The following CPT1A variants were observed in gnomAD, a reference collection of about 807,000 sequenced individuals.
CPT1A encodes carnitine O-palmitoyltransferase 1, liver isoform.
In CPT1A, 64 loss-of-function variants were observed where a neutral mutation model predicts 100.8. That is an observed-to-expected ratio of 0.63 (90% CI 0.52 to 0.78). The LOEUF (loss-of-function observed/expected upper bound fraction) is 0.78, where lower values mean the gene tolerates loss of function less well. Among genes scored for constraint, CPT1A ranks in the 30% least tolerant of loss-of-function variants. CPT1A has a pLI of 0.00. For missense variants in CPT1A, 802 were observed against 1,034.1 expected, an observed-to-expected ratio of 0.78 and a Z score of 3.08; for synonymous variants, 363 against 396.0, an observed-to-expected ratio of 0.92 and a Z score of 0.99.
At chr11:68,781,676 G>T in intron 11 of CPT1A, 95 bp downstream of exon 11, 1 of 1,061,500 alleles carries the variant, frequency 9.4e-7, no homozygotes, top group Non-Finnish European at 1.5e-6. Flanking sequence ...TTCTTTCTTA[G>T]CATTATAGAT....
intron 13 of CPT1A, chr11:68,773,666 G>C: frequency 3.7e-6 from 2 of 542,600 alleles, no homozygotes; most frequent in Non-Finnish European, 6.4e-6. Context: ...CCAGGAGAGG[G>C]CTTCCTCCGA....
At chr11:68,837,582 G>T (rs575011250) in intron 1 of CPT1A, among the ~76,000 whole-genome samples, 1 of 152,284 alleles carries the variant, frequency 6.6e-6, no homozygotes, top group South Asian at 2.1e-4. Context: ...GGACCCAAAT[G>T]CTCCTCTGCT....
At chr11:68,798,505 C>T (rs1053271526) in intron 6 of CPT1A, among the ~76,000 whole-genome samples, 3 of 152,136 alleles carry the variant, frequency 2.0e-5, no homozygotes, top group East Asian at 1.9e-4. Context: ...CTTTGTCTGC[C>T]GGAGGCCTGC....
At chr11:68,794,312 G>A (rs1467074539) in intron 8 of CPT1A, among the ~76,000 whole-genome samples, 1 of 152,184 alleles carries the variant, frequency 6.6e-6, no homozygotes, top group Non-Finnish European at 1.5e-5. Context: ...AGGGGTTTTC[G>A]GGTTGACTGA....
chr11:68,804,160 C>A, intron 4 of CPT1A, 59 bp from the exon 5 acceptor site: 1 of 1,276,002 alleles, frequency 7.8e-7, no homozygotes, highest in South Asian at 1.2e-5. Flanking sequence ...GGCACCTGTT[C>A]TCGTCTGATC....
chr11:68,786,657 T>A (rs1369710461), intron 9 of CPT1A, among the ~76,000 whole-genome samples: 1 of 152,212 alleles, frequency 6.6e-6, no homozygotes, highest in South Asian at 2.1e-4. Context: ...GCTTCCTAAG[T>A]AGGTGGCATT....
At chr11:68,810,443 T>C (rs1036981488) in intron 3 of CPT1A, among the ~76,000 whole-genome samples, 3 of 152,114 alleles carry the variant, frequency 2.0e-5, no homozygotes, top group African/African-American at 7.2e-5. Flanking sequence ...GACTGGGAAC[T>C]TTTATTATGT....
At chr11:68,831,217 G>A (rs1406402329) in intron 1 of CPT1A, among the ~76,000 whole-genome samples, 1 of 152,180 alleles carries the variant, frequency 6.6e-6, no homozygotes, top group Middle Eastern at 3.4e-3. Context: ...CACTGGCCAT[G>A]TAATCAAGAA....
At chr11:68,758,848 C>T (rs1946745548) in intron 18 of CPT1A, among the ~76,000 whole-genome samples, 1 of 151,846 alleles carries the variant, frequency 6.6e-6, no homozygotes, top group Non-Finnish European at 1.5e-5. Context: ...AAACTCCTCA[C>T]CTCAAGTGAT....
chr11:68,843,313 G>C (rs1479254123), upstream of CPT1A, among the ~76,000 whole-genome samples: 2 of 152,098 alleles, frequency 1.3e-5, no homozygotes, highest in African/African-American at 4.8e-5. The surrounding 1 kb of genome is among the most constrained non-coding windows in gnomAD (Gnocchi z 4.0). Context: ...CTTTGACTAT[G>C]CTGTGATCCA....
chr11:68,803,204 G>A (rs1361344765), intron 5 of CPT1A, among the ~76,000 whole-genome samples: 1 of 152,230 alleles, frequency 6.6e-6, no homozygotes, highest in Non-Finnish European at 1.5e-5. Flanking sequence ...TTCTGACACA[G>A]GCTGCTATGT....
Position 68,827,258 on chromosome 11 carries a change from G to A in CPT1A, c.-13-11771C>T, listed in dbSNP as rs1011202625. 9.9e-5 allele frequency among the ~76,000 whole-genome samples: 15 copies of A among 152,004 alleles called. No individual in the cohort carries two copies. In the East Asian group the frequency reaches 1.7e-3, roughly 18 times the overall value. ...TGAAGGGCGAGGCTCACACAAGCCC[G>A]GGAGGTTGAGGCTACAGTGAGCCAT... On this transcript the variant is annotated intron_variant, in intron 1 of 18. Coordinates refer to ENST00000265641, the MANE Select transcript of CPT1A (RefSeq NM_001876.4).
intron 14 of CPT1A, among the ~76,000 whole-genome samples, chr11:68,763,263 G>A (rs1383322453): frequency 6.6e-6 from 1 of 152,042 alleles, no homozygotes; most frequent in Non-Finnish European, 1.5e-5. Flanking sequence ...TCAGTTTCTA[G>A]GTTAACCAGG....
intron 10 of CPT1A, among the ~76,000 whole-genome samples, chr11:68,783,112 C>T (rs376547299): frequency 2.8e-4 from 43 of 152,262 alleles, no homozygotes; most frequent in Middle Eastern, 3.4e-3. Flanking sequence ...TACCGAACAA[C>T]GCCGGCTTGC....
At position 68,780,845 on chromosome 11, in the gene CPT1A, T is replaced by G. The variant is rs560850326; in HGVS notation, c.1353-100A>C. 2.2e-5 allele frequency: 19 copies of G among 854,094 alleles called. No individual in the cohort carries two copies. The South Asian group carries it at 2.6e-4, about 12-fold the overall frequency. The allele number at this position is 854,094 out of a possible 1,614,324, so 52.9% of individuals were successfully genotyped here. On this transcript the variant is annotated intron_variant, in intron 11 of 18. Coordinates refer to ENST00000265641, the MANE Select transcript of CPT1A (RefSeq NM_001876.4). ...TCATCCTGGATGGACTAATTCACTTTGCACCTGTCCCTCTAACAGTGAGCA... is the reference window on the plus strand; with the variant it reads ...TCATCCTGGATGGACTAATTCACTTGGCACCTGTCCCTCTAACAGTGAGCA...
chr11:68,820,072 C>T (rs1856538155), intron 1 of CPT1A, among the ~76,000 whole-genome samples: 1 of 152,160 alleles, frequency 6.6e-6, no homozygotes, highest in Non-Finnish European at 1.5e-5. Flanking sequence ...CTGTATTGCC[C>T]AGGCTGGAGT....
chr11:68,776,479 T>C (rs1855143254), intron 12 of CPT1A, among the ~76,000 whole-genome samples: 1 of 152,216 alleles, frequency 6.6e-6, no homozygotes, highest in African/African-American at 2.4e-5. Flanking sequence ...ATTCTATCTA[T>C]ATAAGATGTC....
intron 15 of CPT1A, among the ~76,000 whole-genome samples, 189 bp from the exon 16 acceptor site, chr11:68,761,876 A>G (rs530151487): frequency 6.6e-6 from 1 of 152,142 alleles, no homozygotes; most frequent in East Asian, 1.9e-4. Context: ...CTCCCAAAGT[A>G]CTGGGATTAC....
intron 14 of CPT1A, among the ~76,000 whole-genome samples, chr11:68,772,643 G>A (rs1298127010): frequency 6.6e-6 from 1 of 152,008 alleles, no homozygotes; most frequent in Admixed American, 6.6e-5. Context: ...AGATGTCAAA[G>A]GCCAGAGACG....
Sources: gnomAD v4.1 joint callset for allele counts (sites outside exome capture counted in the v4.1 genomes callset) on GRCh38, gnomAD v4.1.1 for gene constraint, Gnocchi (gnomAD v3.1) non-coding constraint, MANE v1.5 for transcripts, NCBI Gene and HGNC (gene_info 2026-07-23, HGNC 2026-07-21) for gene names.